HNRNPLL: variants seen among roughly 807,000 people sequenced by gnomAD.
HNRNPLL encodes heterogeneous nuclear ribonucleoprotein L like.
Under a neutral mutation model 67.1 loss-of-function variants are expected in HNRNPLL, and 25 were observed. The ratio of observed to expected loss-of-function variants is 0.37; its 90% CI spans 0.27 to 0.52. The LOEUF is 0.52. HNRNPLL is among the 20% of genes least tolerant of loss of function. The pLI is 0.90. For synonymous variants in HNRNPLL, 267 were observed against 241.7 expected, an observed-to-expected ratio of 1.10 and a Z score of -0.97; for missense variants, 542 against 673.9, an observed-to-expected ratio of 0.80 and a Z score of 2.17.
At chr2:38,577,421 A>G in intron 7 of HNRNPLL, 40 bp downstream of exon 7, 1 of 1,202,322 alleles carries the variant, frequency 8.3e-7, no homozygotes, top group Non-Finnish European at 1.2e-6. Context: ...CAAGTCAAAC[A>G]GTTCATCTAT....
At chr2:38,578,774 A>G (rs978419065) in intron 6 of HNRNPLL, among the ~76,000 whole-genome samples, 19 of 152,096 alleles carry the variant, frequency 1.2e-4, no homozygotes, top group African/African-American at 4.6e-4. Context: ...TTTATATTGT[A>G]TAGAAATTGA....
chr2:38,576,106 T>C (rs986112999), intron 7 of HNRNPLL, among the ~76,000 whole-genome samples: 1 of 151,798 alleles, frequency 6.6e-6, no homozygotes, highest in Non-Finnish European at 1.5e-5. Context: ...CGGTAAAATA[T>C]TTTATAAAGG....
intron 3 of HNRNPLL, among the ~76,000 whole-genome samples, chr2:38,584,592 T>C (rs1378300464): frequency 6.6e-6 from 1 of 152,182 alleles, no homozygotes; most frequent in Non-Finnish European, 1.5e-5. Context: ...CACTGAAATG[T>C]TTAATATTAT....
chr2:38,589,866 A>T (rs931458943), intron 2 of HNRNPLL, among the ~76,000 whole-genome samples: 1 of 152,200 alleles, frequency 6.6e-6, no homozygotes, highest in Non-Finnish European at 1.5e-5. Flanking sequence ...AATACACAAG[A>T]AGAGAGGAAA....
intron 1 of HNRNPLL, among the ~76,000 whole-genome samples, chr2:38,600,612 A>G (rs1667390510): frequency 6.6e-6 from 1 of 152,030 alleles, no homozygotes; most frequent in Non-Finnish European, 1.5e-5. Context: ...GCAGGCTTCC[A>G]GTCCCAGCAA....
intron 12 of HNRNPLL, among the ~76,000 whole-genome samples, chr2:38,567,336 G>A (rs1017227892): frequency 2.0e-5 from 3 of 151,778 alleles, no homozygotes; most frequent in Admixed American, 6.6e-5. Flanking sequence ...AGCTGGTCTC[G>A]AACTCCTGAC....
intron 8 of HNRNPLL, among the ~76,000 whole-genome samples, chr2:38,570,296 T>C (rs970018563): frequency 6.6e-6 from 1 of 152,260 alleles, no homozygotes; most frequent in Non-Finnish European, 1.5e-5. Flanking sequence ...AAGTGTCTAA[T>C]ATGTTTTGAT....
chr2:38,598,270 T>G (rs1025228974), intron 1 of HNRNPLL, among the ~76,000 whole-genome samples: 3 of 152,148 alleles, frequency 2.0e-5, no homozygotes, highest in Admixed American at 2.0e-4. Flanking sequence ...AAAGAGAGGA[T>G]GCTCTTTAGC....
At position 38,578,096 on chromosome 2, in the gene HNRNPLL, C is replaced by G. The variant is rs1030502574; in HGVS notation, c.803-564G>C. The G allele has an allele frequency of 1.8e-5, 8 of 450,848 alleles. No homozygotes were observed. The Middle Eastern group carries it at 1.0e-3, about 57-fold the overall frequency. 27.9% of individuals were successfully genotyped at this position (450,848 alleles called of 1,614,324 possible). On this transcript the variant is annotated intron_variant, in intron 6 of 12. Coordinates refer to ENST00000449105, the MANE Select transcript of HNRNPLL (RefSeq NM_138394.4). Reference sequence around the variant, plus strand: ...ACCTGACTTGAGAGCTGAAAATGTTCACATCACTGACTCATATTATATCAT... The same window carrying G: ...ACCTGACTTGAGAGCTGAAAATGTTGACATCACTGACTCATATTATATCAT...
intron 1 of HNRNPLL, among the ~76,000 whole-genome samples, 194 bp from the exon 2 acceptor site, chr2:38,591,842 G>T (rs1339255224): frequency 2.0e-5 from 3 of 152,022 alleles, no homozygotes; most frequent in African/African-American, 7.3e-5. Context: ...CAGGCATGGT[G>T]GCACGTGTCT....
rs1295626819 is a variant in HNRNPLL at position 38,599,950 on chromosome 2, G to T, written c.189+2488C>A. On this transcript the variant is annotated intron_variant, in intron 1 of 12. Coordinates refer to ENST00000449105, the MANE Select transcript of HNRNPLL (RefSeq NM_138394.4). ...AAAGGTATTTCTTCTCTGGGCTGAA[G>T]GACCACTGAAGTTGTGCAAAACCCT... is the stretch of plus-strand genomic sequence containing the variant. The T allele has an allele frequency of 3.6e-5, 17 of 469,272 alleles. No individual in the cohort carries two copies. In the Admixed American group the frequency reaches 4.1e-4, roughly 11 times the overall value. The allele number at this position is 469,272 out of a possible 1,614,324, so 29.1% of individuals were successfully genotyped here.
At position 38,585,733 on chromosome 2, in the gene HNRNPLL, T is replaced by C; in HGVS notation, c.457A>G (p.Ile153Val). Residue 153 changes from isoleucine to valine, a missense_variant, in exon 3 of 13, where the codon ATC becomes GTC. Ile to Val is a conservative substitution (Grantham distance 29). Coordinates refer to ENST00000449105, the MANE Select transcript of HNRNPLL (RefSeq NM_138394.4). ...TCATCAGTATTTCCTGGCCGAGTGATCCTTTTGCTTGTAGAATAGTTGAAA... is the reference window on the plus strand; with the variant it reads ...TCATCAGTATTTCCTGGCCGAGTGACCCTTTTGCTTGTAGAATAGTTGAAA... Reference protein sequence around the residue: ...AFFNYSTSKRITRPGNTDDPS... With the variant: ...AFFNYSTSKRVTRPGNTDDPS... The C allele has an allele frequency of 6.2e-7, 1 of 1,614,050 alleles. No homozygotes were observed. Among genetic ancestry groups the C allele is most frequent in the Non-Finnish European group, 8.5e-7 (1 of 1,179,904 alleles).
In HNRNPLL at chr2:38,568,410, T is replaced by G; in HGVS notation, c.1450A>C (p.Lys484Gln). ...CNDHEVLTFIKYKVFDAKPSA... is the reference protein window; with the variant it reads ...CNDHEVLTFIQYKVFDAKPSA... ...CGTTTTGCATCAAACACTTTATATT[T>G]GATGAATGTAAGAACTTCATGGTCA... Residue 484 changes from lysine to glutamine, a missense_variant, in exon 11 of 13, where the codon AAA becomes CAA. By Grantham distance (53) the Lys-to-Gln change is moderately conservative. This residue lies in a region of HNRNPLL where 415 missense variants were observed against 575.2 expected (regional missense o/e 0.72). Transcript: ENST00000449105. The G allele has an allele frequency of 6.2e-7, 1 of 1,608,776 alleles. No individual in the cohort carries two copies. Among genetic ancestry groups the G allele is most frequent in the Non-Finnish European group, 8.5e-7 (1 of 1,176,314 alleles).
chr2:38,589,373 T>C (rs898527809), intron 2 of HNRNPLL, among the ~76,000 whole-genome samples: 2 of 152,220 alleles, frequency 1.3e-5, no homozygotes, highest in Admixed American at 6.5e-5. Context: ...AAGGGAAAGT[T>C]TCCAAATTGT....
At chr2:38,593,005 G>A (rs539816634) in intron 1 of HNRNPLL, among the ~76,000 whole-genome samples, 1 of 152,244 alleles carries the variant, frequency 6.6e-6, no homozygotes, top group East Asian at 1.9e-4. Flanking sequence ...AAAAATTTAT[G>A]TCACAACTGA....
At chr2:38,573,476 T>A (rs780702573) in intron 7 of HNRNPLL, 49 bp from the exon 8 acceptor site, 24 of 1,213,630 alleles carry the variant, frequency 2.0e-5, no homozygotes, top group African/African-American at 3.1e-5. Context: ...TACACATAGT[T>A]GTTTGTAAAT....
chr2:38,567,592 G>A (rs1212802876), intron 12 of HNRNPLL, among the ~76,000 whole-genome samples: 1 of 152,162 alleles, frequency 6.6e-6, no homozygotes, highest in African/African-American at 2.4e-5. Flanking sequence ...AGGGATTGTG[G>A]AAGCTATAGC....
At chr2:38,580,180 G>A (rs577807898) in intron 6 of HNRNPLL, among the ~76,000 whole-genome samples, 15 of 152,146 alleles carry the variant, frequency 9.9e-5, no homozygotes, top group African/African-American at 3.1e-4. Context: ...ACAAAACCGA[G>A]TGGTCAATAA....
chr2:38,569,984 T>A, intron 8 of HNRNPLL, 59 bp from the exon 9 acceptor site: 3 of 1,258,950 alleles, frequency 2.4e-6, no homozygotes, highest in Non-Finnish European at 3.4e-6. Flanking sequence ...GTAAAAGAAA[T>A]TTTAAAACAC....
Sources: gnomAD v4.1 joint callset for allele counts (sites outside exome capture counted in the v4.1 genomes callset) on GRCh38, gnomAD v4.1.1 for gene constraint, gnomAD v4.1.1 regional missense constraint, MANE v1.5 for transcripts, NCBI Gene and HGNC (gene_info 2026-07-23, HGNC 2026-07-21) for gene names.